The following SCAP variants were observed in gnomAD, a reference collection of about 807,000 sequenced individuals.
SCAP encodes SREBF chaperone.
SCAP carries 65 observed loss-of-function variants against 123.6 expected under a neutral mutation model. That is an observed-to-expected ratio of 0.53 (90% CI 0.43 to 0.65). SCAP has a LOEUF of 0.65. SCAP is among the 30% of genes least tolerant of loss of function. The pLI is 0.00. For synonymous variants in SCAP, 740 were observed against 726.3 expected, an observed-to-expected ratio of 1.02 and a Z score of -0.30; for missense variants, 1,398 against 1,712.5, an observed-to-expected ratio of 0.82 and a Z score of 3.24.
At chr3:47,451,302 C>A (rs2107954025) in intron 1 of SCAP, among the ~76,000 whole-genome samples, 1 of 123,262 alleles carries the variant, frequency 8.1e-6, no homozygotes, top group South Asian at 3.0e-4. Flanking sequence ...CCCCAAAGGT[C>A]CCCTTTATGA....
At chr3:47,463,917 G>A (rs751586997) in intron 1 of SCAP, among the ~76,000 whole-genome samples, 4 of 151,770 alleles carry the variant, frequency 2.6e-5, no homozygotes, top group African/African-American at 9.7e-5. Context: ...GGCTCACTGC[G>A]GTCTCAACCT....
At chr3:47,426,947 C>T (rs1276665198) in intron 6 of SCAP, among the ~76,000 whole-genome samples, 2 of 152,136 alleles carry the variant, frequency 1.3e-5, no homozygotes, top group South Asian at 2.1e-4. Flanking sequence ...TACCTTAGTC[C>T]CCTATGCTTA....
chr3:47,425,639 C>T (rs560607975), intron 7 of SCAP, 28 bp from the exon 8 acceptor site: 6 of 1,610,308 alleles, frequency 3.7e-6, no homozygotes, highest in East Asian at 4.5e-5. Context: ...CGTATCAGGG[C>T]GGCCCCTCCC....
chr3:47,459,789 A>C (rs1210902100), intron 1 of SCAP, among the ~76,000 whole-genome samples: 21 of 152,182 alleles, frequency 1.4e-4, no homozygotes, highest in Non-Finnish European at 5.9e-5. Flanking sequence ...CTTAAACAAC[A>C]GAAAATAGGG....
chr3:47,465,868 C>T (rs1469631723), intron 1 of SCAP, among the ~76,000 whole-genome samples: 4 of 150,300 alleles, frequency 2.7e-5, no homozygotes, highest in East Asian at 1.9e-4. Flanking sequence ...GGTGCAGTGG[C>T]CCACGCCTGT....
intron 13 of SCAP, 115 bp from the exon 14 acceptor site, chr3:47,418,958 A>G: frequency 2.6e-6 from 3 of 1,137,372 alleles, no homozygotes; most frequent in East Asian, 2.7e-5. Context: ...CACCGGCCAG[A>G]CTCTCCCAGC....
intron 1 of SCAP, among the ~76,000 whole-genome samples, chr3:47,455,359 C>T (rs1290936071): frequency 6.6e-6 from 1 of 151,328 alleles, no homozygotes; most frequent in Non-Finnish European, 1.5e-5. Context: ...ACTTGGGAGG[C>T]CGAGATGGGC....
intron 2 of SCAP, among the ~76,000 whole-genome samples, chr3:47,441,874 C>CTTTTTTTTTTTTTTT (rs1160447716): frequency 2.1e-4 from 16 of 76,392 alleles, no homozygotes; most frequent in Middle Eastern, 9.8e-3. Context: ...GTTCATCTTT[C>CTTTTTTTTTTTTTTT]TTTTTTTTTT....
chr3:47,446,176 CTT>C (rs1291703603), intron 1 of SCAP, among the ~76,000 whole-genome samples: 14 of 129,094 alleles, frequency 1.1e-4, no homozygotes, highest in South Asian at 2.5e-4. Context: ...CCTGGCCAAC[CTT>C]TTTTTTTTTT....
At chr3:47,418,626 T>TACCC in intron 14 of SCAP, 29 bp downstream of exon 14, 1 of 1,459,552 alleles carries the variant, frequency 6.9e-7, no homozygotes, top group Non-Finnish European at 9.5e-7. Context: ...CCGCACTCTT[T>TACCC]CCCACCCCAC....
At chr3:47,452,573 T>C (rs1241370097) in intron 1 of SCAP, among the ~76,000 whole-genome samples, 1 of 152,200 alleles carries the variant, frequency 6.6e-6, no homozygotes, top group Non-Finnish European at 1.5e-5. Flanking sequence ...TTCACAAATG[T>C]CCCAATCTAA....
At chr3:47,434,922 A>G (rs1706508177) in intron 3 of SCAP, 86 bp downstream of exon 3, 4 of 1,562,134 alleles carry the variant, frequency 2.6e-6, no homozygotes, top group Non-Finnish European at 3.5e-6. Context: ...GAAGCTGACC[A>G]ACCTCAATCT....
chr3:47,438,875 G>GTA, intron 2 of SCAP, among the ~76,000 whole-genome samples: 1 of 152,000 alleles, frequency 6.6e-6, no homozygotes, highest in Non-Finnish European at 1.5e-5. Flanking sequence ...TAATCACAGA[G>GTA]TATAGTCAGT....
Position 47,414,628 on chromosome 3 carries a change from A to G in SCAP, c.3331T>C (p.Cys1111Arg). ...GAGTGGCCCTGAAGGGTGAAGAGGC[A>G]GCACGAGTCCTCCAGACGGAACACC... Reference protein sequence around the residue: ...LRVFRLEDSCCLFTLQGHSGA... With the variant: ...LRVFRLEDSCRLFTLQGHSGA... Residue 1111 changes from cysteine (C) to arginine (R), a missense_variant, in exon 21 of 23, where the codon TGC (cysteine) becomes CGC (arginine). Around this residue, in one of 7 missense-constraint regions of SCAP, gnomAD observed 44 missense variants for 64.4 expected, o/e 0.68. Transcript: ENST00000265565. 6.2e-7 allele frequency: 1 copy of G among 1,613,382 alleles called. No individual in the cohort carries two copies.
At chr3:47,440,610 C>A (rs1706755715) in intron 2 of SCAP, among the ~76,000 whole-genome samples, 1 of 152,184 alleles carries the variant, frequency 6.6e-6, no homozygotes, top group African/African-American at 2.4e-5. Context: ...GTGGCTCACA[C>A]CTGTAATCCC....
Position 47,454,377 on chromosome 3 carries a change from A to AC in SCAP, c.-98-11287_-98-11286insG, listed in dbSNP as rs1158032746. Among the ~76,000 whole-genome samples, 9 of 152,114 alleles carry AC rather than the reference A, an allele frequency of 5.9e-5. No individual in the cohort carries two copies. In the East Asian group the frequency reaches 1.7e-3, roughly 29 times the overall value. On this transcript the variant is annotated intron_variant, in intron 1 of 22. Coordinates refer to ENST00000265565, the MANE Select transcript of SCAP (RefSeq NM_012235.4). ...AGTGAGACTCCGTCACAAAAAAAAA[A>AC]GAATAGACAGATGCTTAGTAGATAT...
chr3:47,448,032 A>C (rs1441041947), intron 1 of SCAP, among the ~76,000 whole-genome samples: 1 of 137,464 alleles, frequency 7.3e-6, no homozygotes, highest in South Asian at 2.4e-4. Context: ...AAAAAAAAAA[A>C]ACTTGATAGA....
intron 2 of SCAP, among the ~76,000 whole-genome samples, chr3:47,440,442 A>G (rs1706749166): frequency 6.6e-6 from 1 of 152,172 alleles, no homozygotes; most frequent in South Asian, 2.1e-4. Context: ...TTGGAGGCTG[A>G]GAGACTTCAC....
Position 47,420,910 on chromosome 3 carries a change from C to T in SCAP, c.1344+21G>A, listed in dbSNP as rs762436067. 2 of 1,607,966 alleles carry T rather than the reference C, an allele frequency of 1.2e-6. No individual in the cohort carries two copies. Among genetic ancestry groups the T allele is most frequent in the Non-Finnish European group, 1.7e-6 (2 of 1,174,844 alleles). ...GCCAGGGCTGAGGAGGCGGGCAGGGCAGGGCTCAGCCCACTCCTACCTCCA... is the reference window on the plus strand; with the variant it reads ...GCCAGGGCTGAGGAGGCGGGCAGGGTAGGGCTCAGCCCACTCCTACCTCCA... On this transcript the variant is annotated intron_variant, in intron 11 of 22. Transcript: ENST00000265565. This position sits in a 1 kb window ranked among gnomAD's most constrained non-coding sequence, Gnocchi z 5.0.
Sources: allele counts gnomAD v4.1 joint callset (sites outside exome capture counted in the v4.1 genomes callset), GRCh38; gene constraint gnomAD v4.1.1; regional missense constraint gnomAD v4.1.1; non-coding constraint Gnocchi (gnomAD v3.1); transcripts MANE v1.5; gene names NCBI Gene and HGNC (gene_info 2026-07-23, HGNC 2026-07-21).